ZFHX3: variants seen among roughly 807,000 people sequenced by gnomAD.
The protein encoded by ZFHX3 is zinc finger homeobox 3.
A neutral mutation model predicts 279.1 loss-of-function variants in ZFHX3; 42 were observed. The observed-to-expected ratio is 0.15, with a 90% CI of 0.12 to 0.19. The LOEUF is 0.19. Among genes scored for constraint, ZFHX3 ranks in the 10% least tolerant of loss-of-function variants. The pLI is 1.00. For synonymous variants in ZFHX3, 2,293 were observed against 1,957.8 expected, an observed-to-expected ratio of 1.17 and a Z score of -4.52; for missense variants, 4,981 against 4,754.0, an observed-to-expected ratio of 1.05 and a Z score of -1.40.
chr16:73,432,973 C>T (rs563084463), intron 3 of ZFHX3, among the ~76,000 whole-genome samples: 21 of 152,316 alleles, frequency 1.4e-4, no homozygotes, highest in Non-Finnish European at 2.5e-4. Flanking sequence ...ACTCTACTAG[C>T]TCCCAACGAG....
chr16:73,759,241 T>C (rs1035049488), intron 1 of ZFHX3, among the ~76,000 whole-genome samples: 6 of 152,216 alleles, frequency 3.9e-5, no homozygotes, highest in African/African-American at 1.4e-4. Context: ...CTTTGCCGTC[T>C]TTAACACGTG....
At chr16:72,835,367 A>G (rs1001536006) in intron 4 of ZFHX3, among the ~76,000 whole-genome samples, 12 of 152,186 alleles carry the variant, frequency 7.9e-5, no homozygotes, top group African/African-American at 2.9e-4. Context: ...GAATATGTAT[A>G]ACCCAGAAAA....
chr16:73,286,963 T>TGA (rs2014622475), intron 4 of ZFHX3, among the ~76,000 whole-genome samples: 1 of 146,616 alleles, frequency 6.8e-6, no homozygotes, highest in African/African-American at 2.5e-5. Context: ...TGTGTGGCTG[T>TGA]GTGAGTGTGG....
chr16:73,493,961 T>G (rs1247146103), intron 2 of ZFHX3, among the ~76,000 whole-genome samples: 1 of 152,146 alleles, frequency 6.6e-6, no homozygotes, highest in Non-Finnish European at 1.5e-5. Flanking sequence ...GCTTTTGAAA[T>G]GGCCTCACTT....
intron 1 of ZFHX3, among the ~76,000 whole-genome samples, chr16:73,715,415 A>G (rs1002297204): frequency 6.6e-6 from 1 of 152,102 alleles, no homozygotes; most frequent in African/African-American, 2.4e-5. Context: ...TTACATCCTT[A>G]TAACAACTTC....
At chr16:73,696,485 T>A (rs7200124) in intron 1 of ZFHX3, among the ~76,000 whole-genome samples, 17,397 of 152,184 alleles carry the variant, frequency 0.11, 1,045 homozygotes, top group Non-Finnish European at 0.13. Context: ...GGGTCATGAT[T>A]CTGAACCAAA....
At chr16:73,852,704 C>G (rs1034910132) in intron 1 of ZFHX3, among the ~76,000 whole-genome samples, 1 of 152,100 alleles carries the variant, frequency 6.6e-6, no homozygotes, top group Non-Finnish European at 1.5e-5. Context: ...CTCACCCAGG[C>G]AAGAAAGCCT....
chr16:73,810,387 T>C (rs979940658), intron 1 of ZFHX3, among the ~76,000 whole-genome samples: 7 of 152,200 alleles, frequency 4.6e-5, no homozygotes, highest in Non-Finnish European at 7.3e-5. Context: ...TAAAGGTTCT[T>C]TAAAAAGATA....
intron 4 of ZFHX3, among the ~76,000 whole-genome samples, chr16:72,877,113 C>T (rs1472447476): frequency 6.6e-6 from 1 of 152,222 alleles, no homozygotes; most frequent in Non-Finnish European, 1.5e-5. Flanking sequence ...GAAAACAGCC[C>T]GGTATGGCAC....
chr16:73,598,038 G>T (rs532999471), intron 2 of ZFHX3, among the ~76,000 whole-genome samples: 14 of 152,264 alleles, frequency 9.2e-5, no homozygotes, highest in African/African-American at 3.4e-4. Context: ...TCTTCATGAG[G>T]GGGTACTTCA....
intron 5 of ZFHX3, among the ~76,000 whole-genome samples, chr16:73,246,080 G>T (rs1239760856): frequency 1.3e-5 from 2 of 152,118 alleles, no homozygotes; most frequent in African/African-American, 4.8e-5. Context: ...GCAGTCCCAG[G>T]GTCCCAGCCA....
chr16:73,336,719 T>C (rs2143244598), intron 3 of ZFHX3, among the ~76,000 whole-genome samples: 1 of 152,224 alleles, frequency 6.6e-6, no homozygotes, highest in South Asian at 2.1e-4. Flanking sequence ...GTCTTTAGGG[T>C]ACAATCATTG....
intron 3 of ZFHX3, chr16:73,420,080 G>C (rs2017687753): frequency 6.6e-6 from 1 of 151,706 alleles, no homozygotes; most frequent in African/African-American, 2.4e-5. Context: ...CTAATTTTTT[G>C]TACTTTTTCT....
intron 1 of ZFHX3, among the ~76,000 whole-genome samples, chr16:73,785,539 T>C (rs1332270087): frequency 1.3e-5 from 2 of 152,226 alleles, no homozygotes; most frequent in Non-Finnish European, 1.5e-5. Flanking sequence ...GAATTCCATT[T>C]GCCTCCTTCT....
intron 7 of ZFHX3, among the ~76,000 whole-genome samples, chr16:73,105,918 T>A (rs35151822): frequency 0.2 from 27,516 of 139,606 alleles, 3,143 homozygotes; most frequent in East Asian, 0.53. Context: ...CCACTCCCTA[T>A]ATGTACACGG....
intron 1 of ZFHX3, among the ~76,000 whole-genome samples, chr16:73,045,999 A>T (rs1965286914): frequency 6.6e-6 from 1 of 152,190 alleles, no homozygotes; most frequent in Non-Finnish European, 1.5e-5. Context: ...GCCCACTCTG[A>T]GAGGCACTTT....
intron 2 of ZFHX3, chr16:73,609,448 T>C (rs1463094827): frequency 6.6e-6 from 1 of 152,166 alleles, no homozygotes; most frequent in Non-Finnish European, 1.5e-5. Context: ...GACTAGAAAT[T>C]GAAAGGGTTG....
chr16:72,916,541 C>G (rs533776246), intron 3 of ZFHX3, among the ~76,000 whole-genome samples: 1 of 152,294 alleles, frequency 6.6e-6, no homozygotes, highest in East Asian at 1.9e-4. Context: ...GGGGAAGAAA[C>G]AGGTGAAATG....
chr16:73,317,579 C>G (rs1197655100), intron 4 of ZFHX3, among the ~76,000 whole-genome samples: 3 of 152,122 alleles, frequency 2.0e-5, no homozygotes, highest in African/African-American at 7.2e-5. Context: ...AACCCTGTCT[C>G]AAGCCGACCA....
Sources: gnomAD v4.1 joint callset for allele counts (sites outside exome capture counted in the v4.1 genomes callset) on GRCh38, gnomAD v4.1.1 for gene constraint, MANE v1.5 for transcripts, NCBI Gene and HGNC (gene_info 2026-07-23, HGNC 2026-07-21) for gene names.